Variants in CNTN3 observed in about 807,000 individuals in gnomAD.
CNTN3 encodes contactin 3, also known as contactin-3.
In CNTN3, 60 loss-of-function variants were observed where a neutral mutation model predicts 119.1. That is an observed-to-expected ratio of 0.50 (90% CI 0.41 to 0.62). The LOEUF is 0.62. Among genes scored for constraint, CNTN3 ranks in the 20% least tolerant of loss-of-function variants. CNTN3 has a pLI of 0.00. For missense variants in CNTN3, 1,101 were observed against 1,242.4 expected (o/e 0.89, Z 1.71); for synonymous variants, 450 against 438.7 (o/e 1.03, Z -0.32).
At chr3:74,390,420 C>T (rs1704869891) in intron 5 of CNTN3, among the ~76,000 whole-genome samples, 1 of 142,398 alleles carries the variant, frequency 7.0e-6, no homozygotes. Flanking sequence ...GAATAATTGG[C>T]TCTGCTTCCA....
intron 4 of CNTN3, among the ~76,000 whole-genome samples, chr3:74,454,359 G>T (rs1267425869): frequency 1.4e-5 from 2 of 143,196 alleles, no homozygotes; most frequent in African/African-American, 5.2e-5. Flanking sequence ...TTTTCCATTT[G>T]CTTGGTAGAT....
chr3:74,496,236 TG>T (rs1425964051), intron 3 of CNTN3, among the ~76,000 whole-genome samples: 9 of 152,172 alleles, frequency 5.9e-5, no homozygotes, highest in Non-Finnish European at 5.9e-5. Flanking sequence ...TTACCTTTTT[TG>T]GTCTACATTA....
intron 1 of CNTN3, among the ~76,000 whole-genome samples, chr3:74,557,865 G>A (rs1401477202): frequency 6.6e-6 from 1 of 152,094 alleles, no homozygotes; most frequent in East Asian, 1.9e-4. Flanking sequence ...CTGCTCCCTG[G>A]TAAATTTTTC....
chr3:74,299,857 C>T lies in CNTN3; in HGVS notation c.2166+11G>A, dbSNP rs766371228. The stretch of plus-strand genomic sequence containing the variant: ...AGACCCTGATGGGGAAGATGCTGCC[C>T]AAACACTTACATCCCAGGTTATCAC... On this transcript the variant is annotated intron_variant, in intron 17 of 22. Coordinates refer to ENST00000263665, the MANE Select transcript of CNTN3 (RefSeq NM_020872.3). 27 of 1,603,584 alleles carry T rather than the reference C, an allele frequency of 1.7e-5. No individual in the cohort carries two copies. Among genetic ancestry groups the T allele is most frequent in the East Asian group, 1.3e-4 (6 of 44,454 alleles).
intron 4 of CNTN3, among the ~76,000 whole-genome samples, chr3:74,465,870 T>C (rs1055418255): frequency 6.6e-6 from 1 of 152,174 alleles, no homozygotes; most frequent in Non-Finnish European, 1.5e-5. Context: ...ATTCAGATGC[T>C]GGCTGACATC....
In CNTN3 at chr3:74,521,299, GA is replaced by G. The variant is rs1703539479; in HGVS notation, c.-80-108del. 2.0e-5 allele frequency among the ~76,000 whole-genome samples: 3 copies of G among 150,228 alleles called. No homozygotes were observed. The South Asian group carries it at 6.3e-4, about 32-fold the overall frequency. ...AAACTGTTTATCATTTGGAGACACT[GA>G]AAACCCTCAGATAAAACAAATCTGT... is the stretch of plus-strand genomic sequence containing the variant. On this transcript the variant is annotated intron_variant, in intron 1 of 22. Coordinates refer to ENST00000263665, the MANE Select transcript of CNTN3 (RefSeq NM_020872.3).
intron 1 of CNTN3, among the ~76,000 whole-genome samples, chr3:74,535,558 A>G (rs889686894): frequency 6.6e-6 from 1 of 152,068 alleles, no homozygotes; most frequent in African/African-American, 2.4e-5. Context: ...CAGATACAAA[A>G]GCATATGGAG....
rs551559223 is a variant in CNTN3, at chr3:74,543,535, T to C, written c.-80-22343A>G. Among the ~76,000 whole-genome samples the C allele has an allele frequency of 1.2e-4, 19 of 152,310 alleles. No homozygotes were observed. In the South Asian group the frequency reaches 1.5e-3, roughly 12 times the overall value. ...ACATTAATGAATATAAATAAGCTAA[T>C]GTATTTTCCAGGTAAAATGATATAA... On this transcript the variant is annotated intron_variant, in intron 1 of 22. Transcript: ENST00000263665.
intron 19 of CNTN3, among the ~76,000 whole-genome samples, chr3:74,288,613 A>G (rs1342457778): frequency 6.6e-6 from 1 of 152,168 alleles, no homozygotes; most frequent in East Asian, 1.9e-4. Context: ...AAAAAGACTG[A>G]TTCCTCCAAA....
intron 1 of CNTN3, among the ~76,000 whole-genome samples, chr3:74,542,936 TACC>T (rs745628503): frequency 6.6e-5 from 10 of 152,076 alleles, no homozygotes; most frequent in Non-Finnish European, 1.0e-4. Context: ...ACGGTCAACA[TACC>T]AAGATTCCCA....
chr3:74,532,436 G>C (rs2107136960), intron 1 of CNTN3, among the ~76,000 whole-genome samples: 1 of 152,010 alleles, frequency 6.6e-6, no homozygotes, highest in Non-Finnish European at 1.5e-5. Context: ...ACATACCTAT[G>C]ATAAAGTTTA....
intron 5 of CNTN3, among the ~76,000 whole-genome samples, chr3:74,423,627 A>G (rs1182804103): frequency 2.0e-5 from 3 of 152,204 alleles, no homozygotes; most frequent in Non-Finnish European, 4.4e-5. Flanking sequence ...TTTTTTGTCA[A>G]TACGGTTTGA....
intron 12 of CNTN3, among the ~76,000 whole-genome samples, chr3:74,335,763 G>A (rs1559552521): frequency 1.3e-5 from 2 of 152,112 alleles, no homozygotes; most frequent in South Asian, 4.1e-4. Context: ...CAATCCAACT[G>A]AAATAATTCC....
chr3:74,610,945 A>C (rs1322749785), intron 1 of CNTN3, among the ~76,000 whole-genome samples: 1 of 152,258 alleles, frequency 6.6e-6, no homozygotes, highest in Admixed American at 6.5e-5. Flanking sequence ...CTCATTTATC[A>C]GTAATATAAT....
intron 20 of CNTN3, among the ~76,000 whole-genome samples, chr3:74,269,270 T>A (rs1701721374): frequency 6.6e-6 from 1 of 152,176 alleles, no homozygotes; most frequent in Admixed American, 6.5e-5. Flanking sequence ...TAGTTACATT[T>A]TTGGGCACTC....
intron 13 of CNTN3, among the ~76,000 whole-genome samples, chr3:74,306,225 AAAAAAG>A (rs1353062809): frequency 0.01 from 1,523 of 151,288 alleles, 19 homozygotes; most frequent in Middle Eastern, 0.014. Flanking sequence ...AAAAAAAAAA[AAAAAAG>A]AAACTCGGTA....
intron 13 of CNTN3, among the ~76,000 whole-genome samples, chr3:74,323,095 T>C (rs946006244): frequency 2.0e-5 from 3 of 152,082 alleles, no homozygotes; most frequent in East Asian, 1.9e-4. Context: ...CTTGCACCAA[T>C]AGAATGCACA....
chr3:74,456,659 A>T (rs2106962493), intron 4 of CNTN3, among the ~76,000 whole-genome samples: 1 of 152,200 alleles, frequency 6.6e-6, no homozygotes, highest in South Asian at 2.1e-4. Context: ...GCCTAAAACA[A>T]AACATTTGGA....
chr3:74,472,089 T>C (rs1000956515), intron 4 of CNTN3, among the ~76,000 whole-genome samples: 3 of 152,330 alleles, frequency 2.0e-5, no homozygotes, highest in East Asian at 1.9e-4. Flanking sequence ...TATGCTACTA[T>C]GATTAGGCCA....
Sources: gnomAD v4.1 joint callset for allele counts (sites outside exome capture counted in the v4.1 genomes callset) on GRCh38, gnomAD v4.1.1 for gene constraint, MANE v1.5 for transcripts, NCBI Gene and HGNC (gene_info 2026-07-23, HGNC 2026-07-21) for gene names.